The following B3GLCT variants were observed in gnomAD, a reference collection of about 807,000 sequenced individuals.
B3GLCT encodes the protein beta 3-glucosyltransferase.
In B3GLCT, 65 loss-of-function variants were observed where a neutral mutation model predicts 63.4. That is an observed-to-expected ratio of 1.03 (90% confidence interval 0.84 to 1.26). The LOEUF is 1.26. Ranked by LOEUF, B3GLCT falls within the 50% of genes most tolerant of loss-of-function variation. The probability of loss-of-function intolerance (pLI) is 0.00; values close to 1 mark genes in which losing one functional copy is unlikely to be tolerated. For missense variants in B3GLCT, 577 were observed against 604.8 expected, an observed-to-expected ratio of 0.95 and a Z score of 0.48; for synonymous variants, 233 against 219.2, an observed-to-expected ratio of 1.06 and a Z score of -0.55.
At chr13:31,318,665 G>C (rs139399898) in intron 13 of B3GLCT, among the ~76,000 whole-genome samples, 69 of 152,234 alleles carry the variant, frequency 4.5e-4, no homozygotes, top group African/African-American at 1.5e-3. Flanking sequence ...GTAAGCCCAA[G>C]GAGTGTTGAC....
chr13:31,218,129 A>G (rs1487799486), intron 2 of B3GLCT, among the ~76,000 whole-genome samples: 1 of 149,816 alleles, frequency 6.7e-6, no homozygotes, highest in Non-Finnish European at 1.5e-5. Flanking sequence ...ATGCTCACAG[A>G]GATCTTTTAC....
intron 9 of B3GLCT, among the ~76,000 whole-genome samples, chr13:31,276,089 C>G (rs1872770501): frequency 6.6e-6 from 1 of 152,298 alleles, no homozygotes; most frequent in Non-Finnish European, 1.5e-5. Context: ...TGCCCCCTTT[C>G]ATCTGTGTGA....
chr13:31,261,087 G>C lies in B3GLCT; in HGVS notation c.596+5G>C. On this transcript the variant is annotated splice_donor_5th_base_variant and intron_variant, in intron 7 of 14. Coordinates refer to ENST00000343307, the MANE Select transcript of B3GLCT (RefSeq NM_194318.4). ...AAGTATTCCACTTGTAAACAAGTAA[G>C]AATTTATTGGAATTTTTTCGGGGGG... 6.3e-7 allele frequency: 1 copy of C among 1,591,544 alleles called. No homozygotes were observed. The highest frequency in any genetic ancestry group is 8.6e-7 in the Non-Finnish European group (1 of 1,163,848).
chr13:31,327,263 G>C (rs947594102), intron 14 of B3GLCT, among the ~76,000 whole-genome samples: 29 of 152,138 alleles, frequency 1.9e-4, no homozygotes, highest in African/African-American at 6.3e-4. Flanking sequence ...CTTGCTTCAG[G>C]CTATTCTTAA....
intron 1 of B3GLCT, among the ~76,000 whole-genome samples, chr13:31,203,650 G>A (rs185479335): frequency 1.0e-3 from 152 of 152,290 alleles, no homozygotes; most frequent in African/African-American, 3.5e-3. Flanking sequence ...ATTTGCAAAT[G>A]TTCTGTTTTT....
intron 4 of B3GLCT, 62 bp downstream of exon 4, chr13:31,229,356 C>G: frequency 1.0e-6 from 1 of 973,246 alleles, no homozygotes; most frequent in Non-Finnish European, 1.7e-6. Context: ...TGATGTTTTC[C>G]AAAACACTGG....
At chr13:31,267,547 C>T (rs1872386284) in intron 7 of B3GLCT, among the ~76,000 whole-genome samples, 1 of 152,196 alleles carries the variant, frequency 6.6e-6, no homozygotes, top group South Asian at 2.1e-4. Context: ...AGGATATAGT[C>T]TCTCAGTCCA....
chr13:31,203,366 C>G (rs900346440), intron 1 of B3GLCT, among the ~76,000 whole-genome samples: 1 of 152,194 alleles, frequency 6.6e-6, no homozygotes, highest in Non-Finnish European at 1.5e-5. Flanking sequence ...CTCCCCAGGT[C>G]ATGGACTTGA....
intron 6 of B3GLCT, among the ~76,000 whole-genome samples, chr13:31,255,928 G>A (rs1188767638): frequency 6.6e-6 from 1 of 152,144 alleles, no homozygotes; most frequent in African/African-American, 2.4e-5. Flanking sequence ...GGCAACAAAA[G>A]CCAAAATTGA....
At chr13:31,287,621 C>T (rs1873398070) in intron 12 of B3GLCT, among the ~76,000 whole-genome samples, 6 of 152,032 alleles carry the variant, frequency 3.9e-5, no homozygotes, top group Admixed American at 3.9e-4. Context: ...TATCTGCCAT[C>T]CAATCAAAAG....
intron 4 of B3GLCT, 55 bp downstream of exon 4, chr13:31,229,349 T>C (rs973833112): frequency 1.9e-6 from 2 of 1,068,874 alleles, no homozygotes; most frequent in Admixed American, 1.7e-5. Flanking sequence ...ATTACCTTGA[T>C]GTTTTCCAAA....
chr13:31,279,480 T>C (rs1023435453), intron 10 of B3GLCT, among the ~76,000 whole-genome samples: 2 of 152,150 alleles, frequency 1.3e-5, no homozygotes, highest in East Asian at 1.9e-4. Flanking sequence ...GGTTCTGTGA[T>C]GCCCCCTGAG....
chr13:31,293,668 CT>C (rs1035098736), intron 12 of B3GLCT, among the ~76,000 whole-genome samples: 2 of 152,070 alleles, frequency 1.3e-5, no homozygotes, highest in Non-Finnish European at 2.9e-5. Context: ...ATAAATCTTC[CT>C]CCATTCCTTT....
chr13:31,240,065 G>A (rs1870849611), intron 4 of B3GLCT, among the ~76,000 whole-genome samples: 1 of 152,126 alleles, frequency 6.6e-6, no homozygotes, highest in Non-Finnish European at 1.5e-5. Context: ...TAAGGCAGGA[G>A]CTGAGAAATA....
Position 31,242,285 on chromosome 13 carries a change from T to C in B3GLCT, c.271-4738T>C, listed in dbSNP as rs148032821. 9.1e-4 allele frequency among the ~76,000 whole-genome samples: 139 copies of C among 152,322 alleles called. 3 individuals are homozygous for C. The East Asian group carries it at 0.011, about 12-fold the overall frequency. On this transcript the variant is annotated intron_variant, in intron 4 of 14. Coordinates refer to ENST00000343307, the MANE Select transcript of B3GLCT (RefSeq NM_194318.4). The stretch of plus-strand genomic sequence containing the variant: ...GTCTCTTCATATAGCTCTGTTCTTA[T>C]GGCTTCTATCCCTGACACATTATAT...
chr13:31,275,198 G>A (rs1043702805), intron 9 of B3GLCT, among the ~76,000 whole-genome samples: 11 of 152,160 alleles, frequency 7.2e-5, no homozygotes, highest in African/African-American at 2.4e-4. Context: ...TTTTCCCTGT[G>A]CCAAGTAAGA....
chr13:31,263,277 C>T (rs942652839), intron 7 of B3GLCT, among the ~76,000 whole-genome samples: 14 of 152,186 alleles, frequency 9.2e-5, no homozygotes, highest in Admixed American at 8.5e-4. Context: ...ATGCTGAATT[C>T]AATTCCGTTT....
chr13:31,259,349 G>A (rs917524697), intron 6 of B3GLCT, among the ~76,000 whole-genome samples: 6 of 151,784 alleles, frequency 4.0e-5, no homozygotes. Flanking sequence ...TGGATGATAG[G>A]ACTTCCTATA....
chr13:31,232,243 G>A (rs545909130), intron 4 of B3GLCT, among the ~76,000 whole-genome samples: 1 of 152,126 alleles, frequency 6.6e-6, no homozygotes, highest in Admixed American at 6.6e-5. Context: ...TCTTTGCATC[G>A]CTATAAAGAA....
Sources: gnomAD v4.1 joint callset for allele counts (sites outside exome capture counted in the v4.1 genomes callset) on GRCh38, gnomAD v4.1.1 for gene constraint, MANE v1.5 for transcripts, NCBI Gene and HGNC (gene_info 2026-07-23, HGNC 2026-07-21) for gene names.